Variants in RSPH9 observed in about 807,000 individuals in gnomAD.
RSPH9 encodes radial spoke head protein 9 homolog.
RSPH9 carries 27 observed loss-of-function variants against 27.0 expected under a neutral mutation model. The observed-to-expected ratio is 1.00, with a 90% CI of 0.74 to 1.38. The LOEUF is 1.38. Among genes scored for constraint, RSPH9 ranks in the 40% most tolerant of loss-of-function variants. The pLI, the probability that RSPH9 is intolerant of heterozygous loss-of-function variation, is 0.00. For synonymous variants in RSPH9, 145 were observed against 147.7 expected (o/e 0.98, Z 0.13); for missense variants, 347 against 357.4 (o/e 0.97, Z 0.24).
At chr6:43,663,177 C>G (rs1054733418) in intron 4 of RSPH9, among the ~76,000 whole-genome samples, 1 of 152,078 alleles carries the variant, frequency 6.6e-6, no homozygotes, top group Non-Finnish European at 1.5e-5. Context: ...GCGTGAGATT[C>G]TTCCTTTCAC....
rs1677188254 is a variant in RSPH9 at position 43,650,531 on chromosome 6, A to C, written c.384A>C (p.Glu128Asp). ...ATGAAGGTGAAAAAGTCTTTGAAGAAGAAATAGTGGTGAGTGAAGAGGAGA... is the reference window on the plus strand; with the variant it reads ...ATGAAGGTGAAAAAGTCTTTGAAGACGAAATAGTGGTGAGTGAAGAGGAGA... ...KVNEGEKVFE[E>D]EIVVQIKEET... is the part of the protein sequence containing the mutation. The change falls in exon 2 of 5, where the codon GAA becomes GAC. Residue 128 changes from glutamate to aspartate, a missense_variant. Glu to Asp is a conservative substitution (Grantham distance 45). Coordinates refer to ENST00000372163, the MANE Select transcript of RSPH9 (RefSeq NM_152732.5). 1 of 1,614,146 alleles carries C rather than the reference A, an allele frequency of 6.2e-7. No individual in the cohort carries two copies. Among genetic ancestry groups the C allele is most frequent in the Admixed American group, 1.7e-5 (1 of 60,024 alleles).
chr6:43,653,815 C>G (rs775335132), intron 2 of RSPH9, among the ~76,000 whole-genome samples: 1 of 152,136 alleles, frequency 6.6e-6, no homozygotes, highest in Non-Finnish European at 1.5e-5. Context: ...GCCTCAACCT[C>G]CTGAGTAACT....
At position 43,655,564 on chromosome 6, in the gene RSPH9, C is replaced by G. The variant is rs1771918765; in HGVS notation, c.396C>G (p.Val132=). ...GEKVFEEEIV[V]QIKEETRLVS... is the part of the protein sequence containing the mutation. Reference sequence around the variant, plus strand: ...GGGCTCCTCTCCTGTCTCCTCAGGTCCAGATCAAGGAAGAGACCCGCTTGG... The same window carrying G: ...GGGCTCCTCTCCTGTCTCCTCAGGTGCAGATCAAGGAAGAGACCCGCTTGG... Residue 132 remains valine, a splice_region_variant and synonymous_variant, in exon 3 of 5, where the codon GTC becomes GTG. Coordinates refer to ENST00000372163, the MANE Select transcript of RSPH9 (RefSeq NM_152732.5). 6.2e-7 allele frequency: 1 copy of G among 1,614,028 alleles called. No individual in the cohort carries two copies.
At chr6:43,670,746 C>T in intron 4 of RSPH9, 43 bp from the exon 5 acceptor site, 1 of 1,586,458 alleles carries the variant, frequency 6.3e-7, no homozygotes, top group African/African-American at 1.3e-5. Context: ...AGAGCTGTGG[C>T]TCCAGCAGCA....
At chr6:43,651,633 C>T (rs148096191) in intron 2 of RSPH9, among the ~76,000 whole-genome samples, 1,702 of 152,106 alleles carry the variant, frequency 0.011, 14 homozygotes, top group South Asian at 0.027. Flanking sequence ...ACTGCAACCT[C>T]CGCCTCCTGG....
chr6:43,659,474 C>T (rs1772385624), intron 4 of RSPH9, among the ~76,000 whole-genome samples: 1 of 151,820 alleles, frequency 6.6e-6, no homozygotes, highest in African/African-American at 2.4e-5. Context: ...GCTCCGCCTC[C>T]CGGGTTCACG....
At chr6:43,651,741 G>T (rs1465625868) in intron 2 of RSPH9, among the ~76,000 whole-genome samples, 2 of 151,914 alleles carry the variant, frequency 1.3e-5, no homozygotes, top group African/African-American at 2.4e-5. Flanking sequence ...TAGTGACGGG[G>T]TTTTACCATG....
At position 43,670,894 on chromosome 6, in the gene RSPH9, G is replaced by A; in HGVS notation, c.776G>A (p.Gly259Asp). The A allele has an allele frequency of 6.2e-7, 1 of 1,614,214 alleles. No individual in the cohort carries two copies. Among genetic ancestry groups the A allele is most frequent in the Non-Finnish European group, 8.5e-7 (1 of 1,180,038 alleles). ...FYHAPRTKNYGYVYVGTGEKN... is the reference protein window; with the variant it reads ...FYHAPRTKNYDYVYVGTGEKN... ...CATGCTCCCCGCACCAAGAACTATG[G>A]CTACGTCTACGTGGGCACTGGCGAG... The change falls in exon 5 of 5, where the codon GGC (glycine) becomes GAC (aspartate). Residue 259 changes from glycine (G) to aspartate (D), a missense_variant. Gly to Asp is a moderately conservative substitution (Grantham distance 94). Coordinates refer to ENST00000372163, the MANE Select transcript of RSPH9 (RefSeq NM_152732.5).
intron 2 of RSPH9, among the ~76,000 whole-genome samples, chr6:43,653,621 G>A (rs1333588370): frequency 6.6e-6 from 1 of 152,110 alleles, no homozygotes; most frequent in Non-Finnish European, 1.5e-5. Flanking sequence ...GGGTGATGCC[G>A]AAAGTCTGAG....
chr6:43,671,626 C>G lies in RSPH9; in HGVS notation c.*677C>G. The G allele has an allele frequency of 9.8e-7, 1 of 1,015,808 alleles. No individual in the cohort carries two copies. The highest frequency in any genetic ancestry group is 1.5e-6 in the Non-Finnish European group (1 of 674,732). 62.9% of individuals were successfully genotyped at this position (1,015,808 alleles called of 1,614,324 possible). On this transcript the variant is annotated 3_prime_UTR_variant, in exon 5 of 5. Transcript: ENST00000372163. ...GGTACTGAAGTTAGTCCCACTGTCC[C>G]CTGTCCATGCATGTTGGAGGGACCA...
At position 43,671,697 on chromosome 6, in the gene RSPH9, C is replaced by A; in HGVS notation, c.*748C>A. Reference sequence around the variant, plus strand: ...ACAGGAGTATAGTTGTGGCCAAGGGCTTGTGAGTGGGCCTCCTACTCCCCA... The same window carrying A: ...ACAGGAGTATAGTTGTGGCCAAGGGATTGTGAGTGGGCCTCCTACTCCCCA... On this transcript the variant is annotated 3_prime_UTR_variant, in exon 5 of 5. Coordinates refer to ENST00000372163, the MANE Select transcript of RSPH9 (RefSeq NM_152732.5). 2 of 1,595,452 alleles carry A rather than the reference C, an allele frequency of 1.3e-6. No individual in the cohort carries two copies. The highest frequency in any genetic ancestry group is 1.7e-6 in the Non-Finnish European group (2 of 1,164,756).
At chr6:43,650,258 A>C in intron 1 of RSPH9, 117 bp from the exon 2 acceptor site, 1 of 1,187,056 alleles carries the variant, frequency 8.4e-7, no homozygotes, top group Non-Finnish European at 1.2e-6. Context: ...TTGGGAGGAA[A>C]GGTGGCCATT....
At chr6:43,653,320 G>A (rs1175308441) in intron 2 of RSPH9, among the ~76,000 whole-genome samples, 13 of 151,776 alleles carry the variant, frequency 8.6e-5, no homozygotes, top group Admixed American at 3.3e-4. Context: ...GCACAGTGGC[G>A]CCTGTAATCC....
intron 3 of RSPH9, among the ~76,000 whole-genome samples, chr6:43,656,247 G>A (rs890665311): frequency 3.9e-5 from 6 of 151,972 alleles, no homozygotes; most frequent in African/African-American, 7.2e-5. Context: ...TACCACGCTC[G>A]GCTAATTTTT....
At position 43,667,361 on chromosome 6, in the gene RSPH9, GC is replaced by G. The variant is rs1773246952; in HGVS notation, c.671-3427del. ...AATTGCCAGGTGCACACAGGCTGGG[GC>G]TCCTTCCCAAGCAATTCCTCAGCAG... On this transcript the variant is annotated intron_variant, in intron 4 of 4. Coordinates refer to ENST00000372163, the MANE Select transcript of RSPH9 (RefSeq NM_152732.5). Among the ~76,000 whole-genome samples, 8 of 152,352 alleles carry G rather than the reference GC, an allele frequency of 5.3e-5. No homozygotes were observed. In the South Asian group the frequency reaches 1.7e-3, roughly 32 times the overall value.
At chr6:43,669,843 G>A (rs943412647) in intron 4 of RSPH9, among the ~76,000 whole-genome samples, 3 of 152,216 alleles carry the variant, frequency 2.0e-5, no homozygotes, top group African/African-American at 7.2e-5. Flanking sequence ...CCTGAGCTGG[G>A]CTGCTCCTGT....
rs758110508 is a variant in RSPH9, at chr6:43,672,385, AC to A, written c.*1438del. Reference sequence around the variant, plus strand: ...GTATAAGACCCCTGCCCCTCACCCAACCTGTGATGGGAATCAAGGGGTAAGG... The same window carrying A: ...GTATAAGACCCCTGCCCCTCACCCAACTGTGATGGGAATCAAGGGGTAAGG... On this transcript the variant is annotated 3_prime_UTR_variant, in exon 5 of 5. Transcript: ENST00000372163. 1 of 471,338 alleles carries A rather than the reference AC, an allele frequency of 2.1e-6. No individual in the cohort carries two copies. Among genetic ancestry groups the A allele is most frequent in the Non-Finnish European group, 4.4e-6 (1 of 227,214 alleles). The allele number at this position is 471,338 out of a possible 1,614,324, so 29.2% of individuals were successfully genotyped here. A position where few individuals can be genotyped will look rare whatever the true frequency, so the allele number is the denominator to read the frequency against.
chr6:43,664,984 T>C (rs1773005949), intron 4 of RSPH9, among the ~76,000 whole-genome samples: 2 of 152,218 alleles, frequency 1.3e-5, no homozygotes, highest in African/African-American at 2.4e-5. Context: ...GCAGCAGCCC[T>C]GTCCCCTGAT....
At chr6:43,666,379 T>C in intron 4 of RSPH9, 2 of 1,430,618 alleles carry the variant, frequency 1.4e-6, no homozygotes, top group Non-Finnish European at 1.9e-6. Context: ...GGGATGGGAT[T>C]TGGCAGCTGT....
Sources: gnomAD v4.1 joint callset for allele counts (sites outside exome capture counted in the v4.1 genomes callset) on GRCh38, gnomAD v4.1.1 for gene constraint, MANE v1.5 for transcripts, NCBI Gene and HGNC (gene_info 2026-07-23, HGNC 2026-07-21) for gene names.